The following NLGN1 variants were observed in gnomAD, a reference collection of about 807,000 sequenced individuals.
NLGN1 encodes neuroligin 1.
NLGN1 carries 12 observed loss-of-function variants against 65.5 expected under a neutral mutation model. That is an observed-to-expected ratio of 0.18 (90% CI 0.12 to 0.30). The LOEUF is 0.30. NLGN1 is among the 10% of genes least tolerant of loss of function. The probability of loss-of-function intolerance (pLI) is 1.00; values close to 1 mark genes in which losing one functional copy is unlikely to be tolerated. For synonymous variants in NLGN1, 350 were observed against 359.5 expected (o/e 0.97, Z 0.30); for missense variants, 750 against 1,007.1 (o/e 0.74, Z 3.46).
intron 4 of NLGN1, among the ~76,000 whole-genome samples, chr3:174,097,187 A>T (rs1212800948): frequency 6.6e-6 from 1 of 152,214 alleles, no homozygotes; most frequent in East Asian, 1.9e-4. Flanking sequence ...AACAGATGGG[A>T]TATTTCTGTT....
chr3:173,985,734 G>A (rs1315992461), intron 4 of NLGN1, among the ~76,000 whole-genome samples: 1 of 152,072 alleles, frequency 6.6e-6, no homozygotes, highest in Admixed American at 6.5e-5. Flanking sequence ...TGGATCACTT[G>A]AGGTCAGGAG....
intron 3 of NLGN1, among the ~76,000 whole-genome samples, chr3:173,670,982 G>A (rs1218332064): frequency 6.6e-6 from 1 of 152,070 alleles, no homozygotes; most frequent in Non-Finnish European, 1.5e-5. Context: ...CCGTGTAATG[G>A]CAAATGTCTT....
chr3:173,713,041 C>A (rs1470276404), intron 3 of NLGN1, among the ~76,000 whole-genome samples: 3 of 152,060 alleles, frequency 2.0e-5, no homozygotes, highest in African/African-American at 7.2e-5. Flanking sequence ...ATTCATCAAG[C>A]AATACAGTTA....
At chr3:174,044,764 A>G (rs894059974) in intron 4 of NLGN1, among the ~76,000 whole-genome samples, 3 of 152,158 alleles carry the variant, frequency 2.0e-5, no homozygotes, top group Non-Finnish European at 4.4e-5. Flanking sequence ...CGTAGTTCCC[A>G]TAATCCCTAA....
At chr3:173,810,503 G>A (rs1349223919) in intron 4 of NLGN1, among the ~76,000 whole-genome samples, 1 of 152,118 alleles carries the variant, frequency 6.6e-6, no homozygotes, top group African/African-American at 2.4e-5. Context: ...GGACAAACTG[G>A]GTAATTACAA....
At chr3:173,975,859 T>C (rs1206965508) in intron 4 of NLGN1, among the ~76,000 whole-genome samples, 5 of 152,072 alleles carry the variant, frequency 3.3e-5, no homozygotes, top group Admixed American at 3.3e-4. Flanking sequence ...ATTTAGTTTC[T>C]TTCCACTAGA....
At chr3:174,153,717 T>G (rs9882908) in intron 4 of NLGN1, among the ~76,000 whole-genome samples, 55,730 of 151,868 alleles carry the variant, frequency 0.37, 11,959 homozygotes, top group African/African-American at 0.59. Flanking sequence ...AATTGGCCAG[T>G]TACAGTGGCT....
chr3:173,675,631 C>A (rs920352307), intron 3 of NLGN1, among the ~76,000 whole-genome samples: 1 of 151,952 alleles, frequency 6.6e-6, no homozygotes, highest in Non-Finnish European at 1.5e-5. Flanking sequence ...GTTATCGATG[C>A]CAGGAAACCA....
At chr3:173,920,102 T>C (rs1006257510) in intron 4 of NLGN1, among the ~76,000 whole-genome samples, 1 of 151,898 alleles carries the variant, frequency 6.6e-6, no homozygotes, top group South Asian at 2.1e-4. Flanking sequence ...AAAATTCTAA[T>C]GTTGATCTTC....
chr3:174,022,938 T>C (rs1728056770), intron 4 of NLGN1, among the ~76,000 whole-genome samples: 1 of 152,188 alleles, frequency 6.6e-6, no homozygotes, highest in Non-Finnish European at 1.5e-5. Context: ...CATCAAGCTG[T>C]AGATTTAGGA....
intron 4 of NLGN1, among the ~76,000 whole-genome samples, chr3:174,244,189 T>G (rs1352641725): frequency 6.6e-6 from 1 of 152,226 alleles, no homozygotes; most frequent in African/African-American, 2.4e-5. Context: ...AATAAAGCTA[T>G]TTTTATTTAT....
chr3:173,952,643 A>G (rs772872508), intron 4 of NLGN1, among the ~76,000 whole-genome samples: 4 of 152,194 alleles, frequency 2.6e-5, no homozygotes, highest in Middle Eastern at 3.2e-3. Context: ...ATCAGTCTAT[A>G]TGTACAACAG....
At chr3:174,258,758 A>G (rs1439264662) in intron 4 of NLGN1, among the ~76,000 whole-genome samples, 1 of 152,206 alleles carries the variant, frequency 6.6e-6, no homozygotes, top group Non-Finnish European at 1.5e-5. Context: ...CAAGAAAAAT[A>G]AAGACCAACG....
intron 3 of NLGN1, among the ~76,000 whole-genome samples, chr3:173,636,176 C>T (rs1471026206): frequency 6.6e-6 from 1 of 152,134 alleles, no homozygotes; most frequent in South Asian, 2.1e-4. Context: ...AAAGAGGAAA[C>T]ATGCCATATG....
At chr3:174,030,039 A>G (rs1308093704) in intron 4 of NLGN1, among the ~76,000 whole-genome samples, 1 of 152,056 alleles carries the variant, frequency 6.6e-6, no homozygotes, top group Non-Finnish European at 1.5e-5. Flanking sequence ...AATGTTGGCT[A>G]TAATCATTAT....
chr3:173,633,663 G>A (rs1050304716), intron 3 of NLGN1, among the ~76,000 whole-genome samples: 1 of 152,112 alleles, frequency 6.6e-6, no homozygotes, highest in African/African-American at 2.4e-5. Context: ...ATCTGAGAAG[G>A]TAGGCCAGCC....
intron 4 of NLGN1, among the ~76,000 whole-genome samples, chr3:174,242,189 G>A (rs745726992): frequency 6.6e-6 from 1 of 152,084 alleles, no homozygotes; most frequent in African/African-American, 2.4e-5. Flanking sequence ...GATTGAATGA[G>A]TCAACAGTTG....
intron 3 of NLGN1, among the ~76,000 whole-genome samples, chr3:173,655,562 G>T (rs1405995196): frequency 2.0e-5 from 3 of 151,462 alleles, no homozygotes; most frequent in Non-Finnish European, 2.9e-5. Context: ...CTGAAAGAAT[G>T]ATGTTTTGAA....
chr3:174,021,256 A>G (rs185627002), intron 4 of NLGN1, among the ~76,000 whole-genome samples: 1 of 152,170 alleles, frequency 6.6e-6, no homozygotes, highest in Admixed American at 6.6e-5. Context: ...ACAATAATTT[A>G]CAAGGACTGG....
Sources: gnomAD v4.1 joint callset for allele counts (sites outside exome capture counted in the v4.1 genomes callset) on GRCh38, gnomAD v4.1.1 for gene constraint, MANE v1.5 for transcripts, NCBI Gene and HGNC (gene_info 2026-07-23, HGNC 2026-07-21) for gene names.